Variants in SLC8A1 observed in about 807,000 individuals in gnomAD.
The protein encoded by SLC8A1 is sodium/calcium exchanger 1.
In SLC8A1, 18 loss-of-function variants were observed where a neutral mutation model predicts 68.3. The ratio of observed to expected loss-of-function variants is 0.26; its 90% CI spans 0.18 to 0.39. SLC8A1 has a LOEUF of 0.39. Ranked by LOEUF, SLC8A1 falls within the 10% of genes least tolerant of loss-of-function variation. SLC8A1 has a pLI of 1.00. For missense variants in SLC8A1, 985 were observed against 1,156.7 expected (o/e 0.85, Z 2.15); for synonymous variants, 475 against 415.5 (o/e 1.14, Z -1.74).
intron 2 of SLC8A1, among the ~76,000 whole-genome samples, chr2:40,200,970 C>T (rs2054254999): frequency 6.6e-6 from 1 of 151,690 alleles, no homozygotes; most frequent in Non-Finnish European, 1.5e-5. Context: ...TTTATTTCCA[C>T]ACAACACTCT....
intron 2 of SLC8A1, among the ~76,000 whole-genome samples, chr2:40,375,317 A>G (rs1679456050): frequency 6.6e-6 from 1 of 152,120 alleles, no homozygotes. Context: ...GGTAATATTT[A>G]TCTTCCTGTT....
intron 2 of SLC8A1, among the ~76,000 whole-genome samples, chr2:40,284,439 A>G (rs1049672197): frequency 6.1e-5 from 9 of 147,108 alleles, no homozygotes; most frequent in African/African-American, 1.5e-4. Context: ...CTATATATCT[A>G]TATATAAATG....
At chr2:40,430,334 GA>G (rs1224345211) in intron 1 of SLC8A1, 30 bp from the exon 2 acceptor site, 24 of 1,532,474 alleles carry the variant, frequency 1.6e-5, no homozygotes, top group African/African-American at 2.8e-5. Context: ...GGAGAGGGCA[GA>G]AAAAAAGTCA....
chr2:40,202,753 A>G (rs2054629401), intron 2 of SLC8A1, among the ~76,000 whole-genome samples: 1 of 152,014 alleles, frequency 6.6e-6, no homozygotes, highest in South Asian at 2.1e-4. Context: ...CAATGAAATT[A>G]CAGCTCTAAA....
At chr2:40,399,303 T>C (rs550535289) in intron 2 of SLC8A1, among the ~76,000 whole-genome samples, 5 of 151,770 alleles carry the variant, frequency 3.3e-5, no homozygotes, top group South Asian at 2.1e-4. Flanking sequence ...GAGGGCCTCC[T>C]CTACCCCTCG....
chr2:40,333,983 G>C (rs1230243098), intron 2 of SLC8A1, among the ~76,000 whole-genome samples: 1 of 152,154 alleles, frequency 6.6e-6, no homozygotes, highest in Non-Finnish European at 1.5e-5. Context: ...GGGTGACAGA[G>C]GTTGCAGTGA....
intron 2 of SLC8A1, among the ~76,000 whole-genome samples, chr2:40,326,712 C>G (rs1379087472): frequency 6.6e-6 from 1 of 152,196 alleles, no homozygotes; most frequent in Non-Finnish European, 1.5e-5. Flanking sequence ...CTATGGGCTA[C>G]TAATGGTTCT....
chr2:40,152,668 A>AGCCTCC lies in SLC8A1; in HGVS notation c.2161+8091_2161+8096dup, dbSNP rs1382849946. Among the ~76,000 whole-genome samples the AGCCTCC allele has an allele frequency of 3.3e-5, 5 of 151,374 alleles. No individual in the cohort carries two copies. In the East Asian group the frequency reaches 9.7e-4, roughly 29 times the overall value. ...TGGCCTCAAGTGATCCACCAGCCTC[A>AGCCTCC]GCCTCCCAAAGTGCTGGGATTACAA... is the stretch of plus-strand genomic sequence containing the variant. On this transcript the variant is annotated intron_variant, in intron 6 of 7. Transcript: ENST00000406785.
In SLC8A1 at chr2:40,382,397, A is replaced by G. The variant is rs538840207; in HGVS notation, c.1808+46076T>C. On this transcript the variant is annotated intron_variant, in intron 2 of 7. Coordinates refer to ENST00000406785, the Ensembl canonical transcript of SLC8A1. ...AACTGCACATTTGCCAAGGGTTAGT[A>G]TTTTTATTCCGTAACCTGTTTACAT... Among the ~76,000 whole-genome samples the G allele has an allele frequency of 2.7e-5, 4 of 149,494 alleles. No homozygotes were observed. The South Asian group carries it at 8.4e-4, about 31-fold the overall frequency.
At chr2:40,254,991 T>A (rs1476867701) in intron 2 of SLC8A1, 1 of 152,004 alleles carries the variant, frequency 6.6e-6, no homozygotes, top group Non-Finnish European at 1.5e-5. Flanking sequence ...CTGTTTCTAA[T>A]TTATTTCTCT....
intron 6 of SLC8A1, among the ~76,000 whole-genome samples, chr2:40,158,692 G>T (rs996100651): frequency 6.6e-6 from 1 of 152,094 alleles, no homozygotes; most frequent in Non-Finnish European, 1.5e-5. Context: ...CTTCTAAAGG[G>T]CAGTAGATAG....
intron 2 of SLC8A1, among the ~76,000 whole-genome samples, chr2:40,220,571 G>A (rs540057141): frequency 2.6e-5 from 4 of 152,234 alleles, no homozygotes; most frequent in African/African-American, 7.2e-5. Context: ...CAAAGCAGTC[G>A]TTCCATTAAG....
chr2:40,442,438 GGATAT>G (rs1700687509), intron 1 of SLC8A1, among the ~76,000 whole-genome samples: 1 of 145,862 alleles, frequency 6.9e-6, no homozygotes, highest in Non-Finnish European at 1.5e-5. Flanking sequence ...AGTGGACAAA[GGATAT>G]GATATGAACA....
At chr2:40,452,952 C>G (rs374771404), upstream of SLC8A1, among the ~76,000 whole-genome samples, 3 of 152,126 alleles carry the variant, frequency 2.0e-5, no homozygotes, top group Admixed American at 1.3e-4. Context: ...ATGCAGCAAT[C>G]GACGAACCAT....
rs182368724 is a variant in SLC8A1, at chr2:40,412,409, A to G, written c.1808+16064T>C. 3.3e-5 allele frequency among the ~76,000 whole-genome samples: 5 copies of G among 152,248 alleles called. No homozygotes were observed. The East Asian group carries it at 7.7e-4, about 23-fold the overall frequency. ...ATTTTGTAATCATATATTTACAACC[A>G]TTTATGGTATATTAGGCACTGGATT... is the stretch of plus-strand genomic sequence containing the variant. On this transcript the variant is annotated intron_variant, in intron 2 of 7. Coordinates refer to ENST00000406785, the Ensembl canonical transcript of SLC8A1.
At chr2:40,130,321 G>A (rs1047318107) in intron 7 of SLC8A1, among the ~76,000 whole-genome samples, 1 of 152,194 alleles carries the variant, frequency 6.6e-6, no homozygotes, top group African/African-American at 2.4e-5. Flanking sequence ...GCCTTCTTTT[G>A]TTTCATTCTC....
chr2:40,194,630 A>G (rs1043689458), intron 2 of SLC8A1, among the ~76,000 whole-genome samples: 4 of 152,122 alleles, frequency 2.6e-5, no homozygotes, highest in Admixed American at 6.6e-5. Flanking sequence ...AGGTCTAAAA[A>G]GATTGGAGGC....
intron 1 of SLC8A1, among the ~76,000 whole-genome samples, chr2:40,499,452 C>G (rs1044619684): frequency 6.6e-6 from 1 of 152,160 alleles, no homozygotes; most frequent in Non-Finnish European, 1.5e-5. Flanking sequence ...TGCTTTTGTG[C>G]CAACTTCCAC....
At chr2:40,286,526 G>A (rs1339171835) in intron 2 of SLC8A1, among the ~76,000 whole-genome samples, 1 of 152,158 alleles carries the variant, frequency 6.6e-6, no homozygotes, top group Admixed American at 6.6e-5. Context: ...AGCCTTTGAT[G>A]GACAAAGAGA....
Sources: gnomAD v4.1 joint callset for allele counts (sites outside exome capture counted in the v4.1 genomes callset) on GRCh38, gnomAD v4.1.1 for gene constraint, MANE v1.5 for transcripts, NCBI Gene and HGNC (gene_info 2026-07-23, HGNC 2026-07-21) for gene names.